Variants in DLGAP2 observed in about 807,000 individuals in gnomAD.
The protein encoded by DLGAP2 is disks large-associated protein 2.
DLGAP2 carries 26 observed loss-of-function variants against 100.3 expected under a neutral mutation model. That is an observed-to-expected ratio of 0.26 (90% confidence interval 0.19 to 0.36). The LOEUF (loss-of-function observed/expected upper bound fraction) is 0.36, where lower values mean the gene tolerates loss of function less well. DLGAP2 is among the 10% of genes least tolerant of loss of function. The pLI is 1.00. For synonymous variants in DLGAP2, 886 were observed against 630.1 expected (o/e 1.41, Z -6.08); for missense variants, 1,858 against 1,453.2 (o/e 1.28, Z -4.53).
At chr8:973,198 C>T (rs557057271) in intron 2 of DLGAP2, among the ~76,000 whole-genome samples, 159 of 152,074 alleles carry the variant, frequency 1.0e-3, no homozygotes, top group Admixed American at 4.4e-3. Flanking sequence ...GGCGGCCGGG[C>T]AGAGGCGACC....
intron 8 of DLGAP2, among the ~76,000 whole-genome samples, chr8:1,645,847 G>C (rs1244388493): frequency 6.6e-6 from 1 of 152,150 alleles, no homozygotes; most frequent in Non-Finnish European, 1.5e-5. Context: ...ACCTTAAAAA[G>C]ATCTTTTTCC....
In DLGAP2 at chr8:926,893, C is replaced by T. The variant is rs146460985; in HGVS notation, c.73+18927C>T. ...ACAGCACTGCGTGGCAGGAGCGGAG[C>T]GAGCCTCGTAGGCGTTCCAGGTGTT... On this transcript the variant is annotated intron_variant, in intron 2 of 14. Coordinates refer to ENST00000637795, the MANE Select transcript of DLGAP2 (RefSeq NM_001346810.2). 2.6e-3 allele frequency among the ~76,000 whole-genome samples: 401 copies of T among 152,300 alleles called. 1 individual carries two copies. The highest frequency in any genetic ancestry group is 0.022 in the East Asian group (112 of 5,156).
At chr8:1,388,063 G>A (rs1563120868) in intron 3 of DLGAP2, among the ~76,000 whole-genome samples, 1 of 152,266 alleles carries the variant, frequency 6.6e-6, no homozygotes, top group Non-Finnish European at 1.5e-5. Context: ...TGGGGCTAGT[G>A]TCAGCGTCTC....
intron 4 of DLGAP2, among the ~76,000 whole-genome samples, chr8:1,538,351 C>T (rs541895156): frequency 5.7e-4 from 87 of 152,302 alleles, no homozygotes; most frequent in African/African-American, 1.8e-3. Flanking sequence ...TTTCATTATG[C>T]CCCCAAAAGG....
chr8:1,373,515 G>C (rs1272352996), intron 3 of DLGAP2, among the ~76,000 whole-genome samples: 1 of 152,240 alleles, frequency 6.6e-6, no homozygotes, highest in Non-Finnish European at 1.5e-5. Context: ...CCCACAAAGA[G>C]GGCAGTGGGC....
chr8:1,390,284 G>T (rs1796319551), intron 3 of DLGAP2, among the ~76,000 whole-genome samples: 1 of 152,094 alleles, frequency 6.6e-6, no homozygotes, highest in Non-Finnish European at 1.5e-5. Context: ...AAATGTGTCT[G>T]TCACCTACAC....
At chr8:1,618,384 A>T (rs919850595) in intron 6 of DLGAP2, among the ~76,000 whole-genome samples, 1 of 152,222 alleles carries the variant, frequency 6.6e-6, no homozygotes, top group African/African-American at 2.4e-5. Flanking sequence ...GTGGTGCTCT[A>T]AGATAGACCA....
chr8:1,001,363 A>G (rs1800950775), intron 2 of DLGAP2, among the ~76,000 whole-genome samples: 1 of 152,186 alleles, frequency 6.6e-6, no homozygotes, highest in Non-Finnish European at 1.5e-5. Flanking sequence ...ACGTCCATGT[A>G]TTCATTTATG....
chr8:1,387,885 G>A (rs185238983), intron 3 of DLGAP2, among the ~76,000 whole-genome samples: 67 of 152,350 alleles, frequency 4.4e-4, no homozygotes, highest in Admixed American at 3.8e-3. Context: ...GCTGGAAGCC[G>A]AGATGTCCTG....
intron 2 of DLGAP2, among the ~76,000 whole-genome samples, chr8:955,630 C>T (rs891154870): frequency 1.3e-5 from 2 of 152,104 alleles, no homozygotes; most frequent in African/African-American, 2.4e-5. Context: ...GACAGTGCTC[C>T]GTTTTTCTTT....
intron 2 of DLGAP2, among the ~76,000 whole-genome samples, chr8:1,049,695 G>A (rs2129032587): frequency 6.6e-6 from 1 of 152,108 alleles, no homozygotes; most frequent in South Asian, 2.1e-4. Context: ...CCATGCATGC[G>A]TGGATACAGA....
intron 2 of DLGAP2, among the ~76,000 whole-genome samples, chr8:1,203,832 C>T (rs1167352418): frequency 2.6e-5 from 4 of 152,270 alleles, no homozygotes; most frequent in South Asian, 4.2e-4. Flanking sequence ...GATGGTGCAG[C>T]AGTCAGGGGG....
chr8:747,148 C>T (rs1441665387), intron 1 of DLGAP2, among the ~76,000 whole-genome samples: 1 of 152,004 alleles, frequency 6.6e-6, no homozygotes, highest in East Asian at 1.9e-4. Flanking sequence ...GACCAGGAGG[C>T]TCTAGAGTGT....
intron 2 of DLGAP2, among the ~76,000 whole-genome samples, chr8:1,127,452 T>C (rs1796193769): frequency 6.6e-6 from 1 of 152,040 alleles, no homozygotes; most frequent in African/African-American, 2.4e-5. Context: ...GGAGGCCCCT[T>C]CGTGGCCACG....
chr8:1,319,739 A>C (rs1450557209), intron 3 of DLGAP2, among the ~76,000 whole-genome samples: 2 of 152,188 alleles, frequency 1.3e-5, no homozygotes, highest in Non-Finnish European at 2.9e-5. Context: ...GCAGGACATC[A>C]GCAGCTTTGG....
intron 3 of DLGAP2, among the ~76,000 whole-genome samples, chr8:1,361,436 TTACTC>T (rs1158471416): frequency 1.4e-4 from 22 of 152,210 alleles, no homozygotes; most frequent in Admixed American, 1.4e-3. Flanking sequence ...CCTTTAAAAA[TTACTC>T]TAATCTCTGT....
intron 2 of DLGAP2, among the ~76,000 whole-genome samples, chr8:924,948 T>C (rs951204489): frequency 1.3e-5 from 2 of 152,184 alleles, no homozygotes; most frequent in East Asian, 1.9e-4. Context: ...AATATATTGA[T>C]AATTATGTTG....
chr8:1,682,698 T>G (rs1017178251), intron 12 of DLGAP2, among the ~76,000 whole-genome samples: 2 of 151,554 alleles, frequency 1.3e-5, no homozygotes, highest in Admixed American at 1.3e-4. Flanking sequence ...AATCGTGAAC[T>G]CCTGGCCTCA....
At chr8:1,291,106 C>A (rs183335104) in intron 3 of DLGAP2, among the ~76,000 whole-genome samples, 213 of 152,234 alleles carry the variant, frequency 1.4e-3, no homozygotes, top group Middle Eastern at 0.014. Context: ...ATAATAACAT[C>A]ATGAAGAAAA....
Sources: allele counts gnomAD v4.1 joint callset (sites outside exome capture counted in the v4.1 genomes callset), GRCh38; gene constraint gnomAD v4.1.1; transcripts MANE v1.5; gene names NCBI Gene and HGNC (gene_info 2026-07-23, HGNC 2026-07-21).